SH3RF3: variants seen among roughly 807,000 people sequenced by gnomAD.
The protein encoded by SH3RF3 is E3 ubiquitin-protein ligase SH3RF3.
SH3RF3 carries 29 observed loss-of-function variants against 66.3 expected under a neutral mutation model. The observed-to-expected ratio is 0.44, with a 90% CI of 0.33 to 0.60. The LOEUF (loss-of-function observed/expected upper bound fraction) is 0.60, where lower values mean the gene tolerates loss of function less well. Among genes scored for constraint, SH3RF3 ranks in the 20% least tolerant of loss-of-function variants. The pLI, the probability that SH3RF3 is intolerant of heterozygous loss-of-function variation, is 0.04. For synonymous variants in SH3RF3, 583 were observed against 532.0 expected, an observed-to-expected ratio of 1.10 and a Z score of -1.32; for missense variants, 1,194 against 1,190.9, an observed-to-expected ratio of 1.00 and a Z score of -0.04.
chr2:109,272,814 G>A (rs1444072601), intron 1 of SH3RF3, among the ~76,000 whole-genome samples: 1 of 152,188 alleles, frequency 6.6e-6, no homozygotes, highest in African/African-American at 2.4e-5. Context: ...CGCACACGCA[G>A]GACGTCAGGC....
intron 3 of SH3RF3, among the ~76,000 whole-genome samples, chr2:109,378,218 G>A (rs989784268): frequency 9.2e-5 from 14 of 152,186 alleles, no homozygotes; most frequent in African/African-American, 3.4e-4. Context: ...TTCACCCACC[G>A]GCTTGCACTC....
intron 1 of SH3RF3, among the ~76,000 whole-genome samples, chr2:109,145,430 A>T (rs937005500): frequency 6.6e-6 from 1 of 152,000 alleles, no homozygotes; most frequent in African/African-American, 2.4e-5. Context: ...CTCTTTGCTT[A>T]TGGAAGACCG....
chr2:109,472,010 C>T (rs1678527709), intron 8 of SH3RF3, among the ~76,000 whole-genome samples: 1 of 152,184 alleles, frequency 6.6e-6, no homozygotes. Context: ...CCTGGGCCCC[C>T]TGCACTGTGT....
At chr2:109,130,144 G>A (rs1468600255) in intron 1 of SH3RF3, 31 bp downstream of exon 1, 5 of 1,278,710 alleles carry the variant, frequency 3.9e-6, no homozygotes, top group Non-Finnish European at 4.9e-6. Flanking sequence ...AAGTGGCCAC[G>A]GCACGTGGGA....
At chr2:109,302,721 T>C (rs1300443825) in intron 1 of SH3RF3, among the ~76,000 whole-genome samples, 3 of 150,862 alleles carry the variant, frequency 2.0e-5, no homozygotes, top group Non-Finnish European at 2.9e-5. Context: ...CAAGGCATCA[T>C]GGTGCTCCTA....
At chr2:109,156,017 C>T (rs1306275543) in intron 1 of SH3RF3, among the ~76,000 whole-genome samples, 2 of 152,234 alleles carry the variant, frequency 1.3e-5, no homozygotes, top group Non-Finnish European at 2.9e-5. Context: ...CCATGCTTCC[C>T]ACTGGGGTCA....
At chr2:109,421,371 T>C (rs1263580020) in intron 5 of SH3RF3, among the ~76,000 whole-genome samples, 1 of 152,200 alleles carries the variant, frequency 6.6e-6, no homozygotes, top group Non-Finnish European at 1.5e-5. Flanking sequence ...AGCAAAGGCC[T>C]CCCCTTCCTG....
chr2:109,143,702 C>T (rs748846190), intron 1 of SH3RF3, among the ~76,000 whole-genome samples: 2 of 151,892 alleles, frequency 1.3e-5, no homozygotes, highest in East Asian at 1.9e-4. Flanking sequence ...TGCAGTGAGC[C>T]GTGATCGCAC....
At chr2:109,479,713 T>G (rs1312692026) in intron 8 of SH3RF3, among the ~76,000 whole-genome samples, 1 of 152,158 alleles carries the variant, frequency 6.6e-6, no homozygotes, top group Non-Finnish European at 1.5e-5. Flanking sequence ...TTTCTTAATG[T>G]TAGAAAGGAG....
rs544505298 is a variant in SH3RF3, at chr2:109,223,458, C to T, written c.573+93345C>T. Reference sequence around the variant, plus strand: ...CCTCGGTTATTTCAGGCATTGTCCCCCTTTGGGAGTGGGCATGGCCTGCCC... The same window carrying T: ...CCTCGGTTATTTCAGGCATTGTCCCTCTTTGGGAGTGGGCATGGCCTGCCC... On this transcript the variant is annotated intron_variant, in intron 1 of 9. Coordinates refer to ENST00000309415, the MANE Select transcript of SH3RF3 (RefSeq NM_001099289.3). Among the ~76,000 whole-genome samples the T allele has an allele frequency of 5.9e-5, 9 of 152,336 alleles. 1 individual carries two copies. The East Asian group carries it at 1.7e-3, about 29-fold the overall frequency.
At chr2:109,278,302 G>A (rs1680806562) in intron 1 of SH3RF3, among the ~76,000 whole-genome samples, 1 of 152,218 alleles carries the variant, frequency 6.6e-6, no homozygotes, top group South Asian at 2.1e-4. Flanking sequence ...AGCCACCCTG[G>A]TGCACACATA....
At chr2:109,421,398 C>A (rs1019627192) in intron 5 of SH3RF3, among the ~76,000 whole-genome samples, 10 of 152,236 alleles carry the variant, frequency 6.6e-5, no homozygotes, top group African/African-American at 2.4e-4. Context: ...GAGGGCTCCC[C>A]AGCTTGAGGC....
At chr2:109,220,682 G>T (rs1193636720) in intron 1 of SH3RF3, among the ~76,000 whole-genome samples, 1 of 152,164 alleles carries the variant, frequency 6.6e-6, no homozygotes, top group East Asian at 1.9e-4. Flanking sequence ...CATGTCATTT[G>T]TTACTAGAGG....
intron 1 of SH3RF3, among the ~76,000 whole-genome samples, chr2:109,133,622 C>T (rs1031507689): frequency 1.3e-5 from 2 of 152,102 alleles, no homozygotes; most frequent in Admixed American, 1.3e-4. Flanking sequence ...TTAAATAGGA[C>T]CTCTCCACTA....
chr2:109,256,451 G>C (rs1374354443), intron 1 of SH3RF3, among the ~76,000 whole-genome samples: 3 of 151,650 alleles, frequency 2.0e-5, no homozygotes, highest in Non-Finnish European at 2.9e-5. Flanking sequence ...CTGAAACAGG[G>C]AGACGAGTGC....
chr2:109,385,349 C>T (rs1356112803), intron 3 of SH3RF3, among the ~76,000 whole-genome samples: 1 of 152,192 alleles, frequency 6.6e-6, no homozygotes, highest in Non-Finnish European at 1.5e-5. Flanking sequence ...CCTGCACAAC[C>T]CCAGTGTCCC....
intron 1 of SH3RF3, among the ~76,000 whole-genome samples, chr2:109,178,292 A>G (rs1381574856): frequency 6.6e-6 from 1 of 152,194 alleles, no homozygotes; most frequent in East Asian, 1.9e-4. Flanking sequence ...TTTAATTTTT[A>G]GAGCTCTTTT....
At chr2:109,377,022 G>A (rs1683404266) in intron 3 of SH3RF3, among the ~76,000 whole-genome samples, 1 of 152,258 alleles carries the variant, frequency 6.6e-6, no homozygotes, top group South Asian at 2.1e-4. Context: ...GGAACAGAGA[G>A]CCGCTCAGAG....
chr2:109,145,204 C>A (rs1010086214), intron 1 of SH3RF3, among the ~76,000 whole-genome samples: 1 of 152,182 alleles, frequency 6.6e-6, no homozygotes, highest in South Asian at 2.1e-4. Context: ...GAGACAGAGC[C>A]GTGTCCTGGC....
Sources: gnomAD v4.1 joint callset for allele counts (sites outside exome capture counted in the v4.1 genomes callset) on GRCh38, gnomAD v4.1.1 for gene constraint, MANE v1.5 for transcripts, NCBI Gene and HGNC (gene_info 2026-07-23, HGNC 2026-07-21) for gene names.